SEPTIN9: variants seen among roughly 807,000 people sequenced by gnomAD.
The protein encoded by SEPTIN9 is septin-9.
Under a neutral mutation model 56.6 loss-of-function variants are expected in SEPTIN9, and 13 were observed. That is an observed-to-expected ratio of 0.23 (90% confidence interval 0.15 to 0.37). SEPTIN9 has a LOEUF of 0.37. Ranked by LOEUF, SEPTIN9 falls within the 10% of genes least tolerant of loss-of-function variation. SEPTIN9 has a pLI of 1.00. For synonymous variants in SEPTIN9, 332 were observed against 334.1 expected, an observed-to-expected ratio of 0.99 and a Z score of 0.07; for missense variants, 650 against 823.1, an observed-to-expected ratio of 0.79 and a Z score of 2.57.
intron 3 of SEPTIN9, chr17:77,444,864 T>G: frequency 3.2e-6 from 1 of 315,832 alleles, no homozygotes; most frequent in Non-Finnish European, 6.5e-6. Context: ...AGACCTACTT[T>G]GAGAGGTTGG....
At chr17:77,428,810 A>G (rs2037013206) in intron 3 of SEPTIN9, 5 of 368,020 alleles carry the variant, frequency 1.4e-5, no homozygotes, top group South Asian at 7.9e-5. Context: ...ATGTGGGCCC[A>G]AAGGAGCTGG....
chr17:77,326,213 C>G lies in SEPTIN9; in HGVS notation c.76+19016C>G, dbSNP rs963693044. ...CAAAATAAACCTCCCTTGCCGGTCA[C>G]TCATTCATTCATTCAGCATTGGGTG... On this transcript the variant is annotated intron_variant, in intron 2 of 11. Coordinates refer to ENST00000427177, the MANE Select transcript of SEPTIN9 (RefSeq NM_001113491.2). The surrounding 1 kb of genome is among the most constrained non-coding windows in gnomAD (Gnocchi z 5.1). Among the ~76,000 whole-genome samples the G allele has an allele frequency of 3.9e-5, 6 of 152,220 alleles. No homozygotes were observed. Among genetic ancestry groups the G allele is most frequent in the African/African-American group, 1.4e-4 (6 of 41,452 alleles).
intron 7 of SEPTIN9, among the ~76,000 whole-genome samples, chr17:77,489,321 G>A (rs1387190724): frequency 6.6e-6 from 1 of 152,216 alleles, no homozygotes; most frequent in Non-Finnish European, 1.5e-5. Context: ...GGGCTGGACG[G>A]GGCTGCTGTT....
intron 2 of SEPTIN9, among the ~76,000 whole-genome samples, chr17:77,378,725 G>T (rs1262209233): frequency 6.6e-6 from 1 of 152,150 alleles, no homozygotes; most frequent in Admixed American, 6.5e-5. Context: ...CAGGCTCCCA[G>T]TGCAGCCATG....
At chr17:77,312,766 G>A (rs952058668) in intron 2 of SEPTIN9, among the ~76,000 whole-genome samples, 2 of 152,146 alleles carry the variant, frequency 1.3e-5, no homozygotes, top group East Asian at 3.8e-4. Context: ...AGAAATTGAT[G>A]GCGAATGCAA....
intron 3 of SEPTIN9, among the ~76,000 whole-genome samples, chr17:77,479,511 A>G (rs1328361833): frequency 6.6e-6 from 1 of 152,362 alleles, no homozygotes; most frequent in African/African-American, 2.4e-5. Flanking sequence ...TCACCTGTGC[A>G]GAAGGCAAGC....
At chr17:77,373,142 C>A (rs1320083928) in intron 2 of SEPTIN9, 2 of 999,028 alleles carry the variant, frequency 2.0e-6, no homozygotes, top group Non-Finnish European at 2.4e-6. Flanking sequence ...GGGGGCGCTC[C>A]GGTCGTGTGC....
In SEPTIN9 at chr17:77,353,204, G is replaced by A. The variant is rs533952420; in HGVS notation, c.76+46007G>A. Among the ~76,000 whole-genome samples, 4 of 152,286 alleles carry A rather than the reference G, an allele frequency of 2.6e-5. No individual in the cohort carries two copies. The East Asian group carries it at 7.7e-4, about 29-fold the overall frequency. Reference sequence around the variant, plus strand: ...GGGGCCCAGGAGAGGGACCTGCGTGGCAAGAGGGCTTGTGTTCACGTCAGA... The same window carrying A: ...GGGGCCCAGGAGAGGGACCTGCGTGACAAGAGGGCTTGTGTTCACGTCAGA... On this transcript the variant is annotated intron_variant, in intron 2 of 11. Coordinates refer to ENST00000427177, the MANE Select transcript of SEPTIN9 (RefSeq NM_001113491.2).
intron 3 of SEPTIN9, among the ~76,000 whole-genome samples, chr17:77,411,447 C>T (rs1598332044): frequency 6.7e-6 from 1 of 148,330 alleles, no homozygotes; most frequent in African/African-American, 2.5e-5. Context: ...TGCAGTGGTG[C>T]GATCTCAGCT....
At position 77,475,629 on chromosome 17, in the gene SEPTIN9, T is replaced by A; in HGVS notation, c.722-6515T>A. 6.2e-7 allele frequency: 1 copy of A among 1,613,782 alleles called. No individual in the cohort carries two copies. The highest frequency in any genetic ancestry group is 8.5e-7 in the Non-Finnish European group (1 of 1,179,870). ...CTGCAGAGGGAGGGCAGCTGGAGGC[T>A]GCTCCAGTGTGCATTGTTACGAGGC... On this transcript the variant is annotated intron_variant, in intron 3 of 11. Coordinates refer to ENST00000427177, the MANE Select transcript of SEPTIN9 (RefSeq NM_001113491.2). This position sits in a 1 kb window ranked among gnomAD's most constrained non-coding sequence, Gnocchi z 4.6.
intron 4 of SEPTIN9, chr17:77,482,655 T>G: frequency 1.6e-6 from 1 of 611,024 alleles, no homozygotes; most frequent in South Asian, 1.9e-5. Context: ...TGCAGAGGGT[T>G]CTGTGGCAGC....
intron 1 of SEPTIN9, among the ~76,000 whole-genome samples, chr17:77,303,597 C>T (rs2032149186): frequency 6.6e-6 from 1 of 151,806 alleles, no homozygotes; most frequent in Non-Finnish European, 1.5e-5. Context: ...CCTGTAATCT[C>T]AGCTACTTGG....
chr17:77,488,951 T>C, intron 7 of SEPTIN9, 87 bp downstream of exon 7: 2 of 1,527,012 alleles, frequency 1.3e-6, no homozygotes, highest in South Asian at 1.2e-5. Context: ...CTGTCTGCCC[T>C]GCTGCTGGGT....
intron 7 of SEPTIN9, among the ~76,000 whole-genome samples, chr17:77,489,115 C>T (rs974936283): frequency 4.6e-5 from 7 of 152,228 alleles, no homozygotes; most frequent in African/African-American, 1.7e-4. Flanking sequence ...GTCAGGCAGG[C>T]CCTGGGCTGT....
intron 3 of SEPTIN9, among the ~76,000 whole-genome samples, chr17:77,410,719 A>G (rs886624864): frequency 6.6e-6 from 1 of 152,216 alleles, no homozygotes; most frequent in Non-Finnish European, 1.5e-5. Flanking sequence ...CGTGTTAAAC[A>G]AGCACATAAA....
At chr17:77,430,986 G>A (rs547776152) in intron 3 of SEPTIN9, among the ~76,000 whole-genome samples, 66 of 142,290 alleles carry the variant, frequency 4.6e-4, no homozygotes, top group Non-Finnish European at 8.5e-4. Context: ...GCAATACTCC[G>A]TATCAAAAAA....
At chr17:77,350,201 A>C (rs558204479) in intron 2 of SEPTIN9, among the ~76,000 whole-genome samples, 4 of 150,486 alleles carry the variant, frequency 2.7e-5, no homozygotes, top group Non-Finnish European at 5.9e-5. Flanking sequence ...CATCTTTTGC[A>C]GACAGGGTGG....
Position 77,307,121 on chromosome 17 carries a change from C to G in SEPTIN9, c.20-20C>G, listed in dbSNP as rs1404551962. 1.9e-6 allele frequency: 3 copies of G among 1,613,196 alleles called. No homozygotes were observed. In the Admixed American group the frequency reaches 5.0e-5, roughly 27 times the overall value. On this transcript the variant is annotated intron_variant, in intron 1 of 11. Transcript: ENST00000427177. ...CGCCAGTGGCCTTGTGTGACCTTTG[C>G]CCTTTGTCTCTGTCTTTAGGAGGCA...
chr17:77,401,832 C>T (rs996509686), intron 2 of SEPTIN9, among the ~76,000 whole-genome samples: 1 of 152,114 alleles, frequency 6.6e-6, no homozygotes, highest in Non-Finnish European at 1.5e-5. Context: ...CAAGACACGA[C>T]GGGCAGCATC....
Sources: gnomAD v4.1 joint callset for allele counts (sites outside exome capture counted in the v4.1 genomes callset) on GRCh38, gnomAD v4.1.1 for gene constraint, Gnocchi (gnomAD v3.1) non-coding constraint, MANE v1.5 for transcripts, NCBI Gene and HGNC (gene_info 2026-07-23, HGNC 2026-07-21) for gene names.